Variants in C2CD5 observed in about 807,000 individuals in gnomAD.
C2CD5 encodes C2 calcium dependent domain containing 5, also known as C2 domain-containing protein 5.
C2CD5 carries 109 observed loss-of-function variants against 130.3 expected under a neutral mutation model. The observed-to-expected ratio is 0.84, with a 90% CI of 0.72 to 0.98. C2CD5 has a LOEUF of 0.98. C2CD5 is among the 50% of genes least tolerant of loss of function. The probability of loss-of-function intolerance (pLI) is 0.00; values close to 1 mark genes in which losing one functional copy is unlikely to be tolerated. For missense variants in C2CD5, 996 were observed against 1,261.8 expected, an observed-to-expected ratio of 0.79 and a Z score of 3.19; for synonymous variants, 454 against 429.2, an observed-to-expected ratio of 1.06 and a Z score of -0.71.
intron 10 of C2CD5, among the ~76,000 whole-genome samples, chr12:22,498,285 C>T (rs1245876013): frequency 2.0e-5 from 3 of 152,034 alleles, no homozygotes; most frequent in Non-Finnish European, 2.9e-5. Flanking sequence ...GGACGTCTGC[C>T]TGGCTTAACA....
At chr12:22,462,179 A>G (rs1435443916) in intron 22 of C2CD5, among the ~76,000 whole-genome samples, 1 of 152,232 alleles carries the variant, frequency 6.6e-6, no homozygotes, top group African/African-American at 2.4e-5. Context: ...TAAAAACAAC[A>G]TAGTTCATTA....
In C2CD5 at chr12:22,535,321, AAAGGTG is replaced by A; in HGVS notation, c.108_113del (p.Thr37_Phe38del). On this transcript the variant is annotated inframe_deletion, in exon 3 of 27. Coordinates refer to ENST00000446597, the MANE Select transcript of C2CD5 (RefSeq NM_001286176.2). ...GTGACTTAAGGTACACATCTGTTTT[AAAGGTG>A]GTATTACCAAATTTTACCTAAAAAC... 1 of 1,599,036 alleles carries A rather than the reference AAAGGTG, an allele frequency of 6.3e-7. No homozygotes were observed. The highest frequency in any genetic ancestry group is 8.6e-7 in the Non-Finnish European group (1 of 1,166,998).
chr12:22,449,661 T>A lies in C2CD5; in HGVS notation c.*99A>T. The A allele has an allele frequency of 9.2e-7, 1 of 1,088,882 alleles. No individual in the cohort carries two copies. Among genetic ancestry groups the A allele is most frequent in the South Asian group, 1.6e-5 (1 of 61,538 alleles). The allele number at this position is 1,088,882 out of a possible 1,614,324, so 67.5% of individuals were successfully genotyped here. A position where few individuals can be genotyped will look rare whatever the true frequency, so the allele number is the denominator to read the frequency against. On this transcript the variant is annotated 3_prime_UTR_variant, in exon 27 of 27. Coordinates refer to ENST00000446597, the MANE Select transcript of C2CD5 (RefSeq NM_001286176.2). Reference sequence around the variant, plus strand: ...TCAAATCTACTCAATTCTTCCTTATTTATCTCAAGTTCAATTTTAAGTCTA... The same window carrying A: ...TCAAATCTACTCAATTCTTCCTTATATATCTCAAGTTCAATTTTAAGTCTA...
At chr12:22,521,244 T>C (rs1950242175) in intron 7 of C2CD5, among the ~76,000 whole-genome samples, 1 of 152,174 alleles carries the variant, frequency 6.6e-6, no homozygotes, top group Admixed American at 6.5e-5. Flanking sequence ...TAAAACAGCC[T>C]GAGTATTGAG....
At chr12:22,540,702 T>C (rs1362525346) in intron 2 of C2CD5, among the ~76,000 whole-genome samples, 4 of 151,974 alleles carry the variant, frequency 2.6e-5, no homozygotes, top group African/African-American at 9.7e-5. Flanking sequence ...CTACTAAAAA[T>C]ACAAAAATTA....
At chr12:22,487,679 T>A (rs1945728722) in intron 12 of C2CD5, among the ~76,000 whole-genome samples, 1 of 152,088 alleles carries the variant, frequency 6.6e-6, no homozygotes, top group Admixed American at 6.5e-5. Flanking sequence ...AAATACCATT[T>A]GACCCAGCCA....
At chr12:22,495,659 T>C (rs555502764) in intron 10 of C2CD5, among the ~76,000 whole-genome samples, 10 of 152,082 alleles carry the variant, frequency 6.6e-5, no homozygotes, top group African/African-American at 1.2e-4. Flanking sequence ...AGCCACACAA[T>C]TGCACATGAG....
At chr12:22,473,459 A>C (rs1229277756) in intron 16 of C2CD5, among the ~76,000 whole-genome samples, 1 of 151,966 alleles carries the variant, frequency 6.6e-6, no homozygotes, top group Non-Finnish European at 1.5e-5. Flanking sequence ...ACCTCAACCC[A>C]TTATTCCCCA....
intron 9 of C2CD5, 45 bp downstream of exon 9, chr12:22,513,249 G>A (rs748835707): frequency 7.8e-7 from 1 of 1,285,520 alleles, no homozygotes; most frequent in South Asian, 1.2e-5. Context: ...AGATAACAAA[G>A]TCATATTAAC....
At chr12:22,535,137 GA>G (rs1951702138) in intron 3 of C2CD5, 120 bp downstream of exon 3, 2 of 666,488 alleles carry the variant, frequency 3.0e-6, no homozygotes, top group Non-Finnish European at 5.3e-6. Context: ...AAGCAGAAAA[GA>G]AAATATTTTT....
At chr12:22,505,232 G>C (rs1948337510) in intron 10 of C2CD5, among the ~76,000 whole-genome samples, 1 of 149,426 alleles carries the variant, frequency 6.7e-6, no homozygotes, top group Non-Finnish European at 1.5e-5. Flanking sequence ...TAACTTCAAA[G>C]CATTTTTACC....
At chr12:22,530,113 C>T (rs11046460) in intron 3 of C2CD5, among the ~76,000 whole-genome samples, 9,522 of 49,090 alleles carry the variant, frequency 0.19, 401 homozygotes, top group East Asian at 0.49. Context: ...TATATATATA[C>T]ACACACACAC....
chr12:22,452,531 C>A (rs759453788), intron 26 of C2CD5, among the ~76,000 whole-genome samples: 2 of 152,114 alleles, frequency 1.3e-5, no homozygotes, highest in Non-Finnish European at 2.9e-5. Context: ...CAATTATCTA[C>A]CAAAAACCCT....
In C2CD5 at chr12:22,490,070, C is replaced by A. The variant is rs182450015; in HGVS notation, c.1358+53G>T. ...TTATCCCAACTCTCAGAAAAAAAGT[C>A]GACCTCTCCCTTCTCTGCCCTTATA... On this transcript the variant is annotated intron_variant, in intron 12 of 26. Coordinates refer to ENST00000446597, the MANE Select transcript of C2CD5 (RefSeq NM_001286176.2). 5.2e-6 allele frequency: 7 copies of A among 1,336,352 alleles called. No individual in the cohort carries two copies. In the South Asian group the frequency reaches 6.0e-5, roughly 11 times the overall value. The allele number at this position is 1,336,352 out of a possible 1,614,324, so 82.8% of individuals were successfully genotyped here. A position where few individuals can be genotyped will look rare whatever the true frequency, so the allele number is the denominator to read the frequency against.
At chr12:22,465,651 T>C (rs1477751122) in intron 22 of C2CD5, among the ~76,000 whole-genome samples, 1 of 152,082 alleles carries the variant, frequency 6.6e-6, no homozygotes, top group Non-Finnish European at 1.5e-5. Flanking sequence ...CCCATTTTGC[T>C]CATTCTTTTT....
At chr12:22,544,228 GA>G in intron 1 of C2CD5, 49 bp from the exon 2 acceptor site, 1 of 1,441,592 alleles carries the variant, frequency 6.9e-7, no homozygotes, top group South Asian at 1.2e-5. Flanking sequence ...GCCGGCGGGA[GA>G]GGGGCGGAGG....
At chr12:22,541,734 G>A (rs914698629) in intron 2 of C2CD5, among the ~76,000 whole-genome samples, 4 of 152,180 alleles carry the variant, frequency 2.6e-5, no homozygotes, top group Non-Finnish European at 5.9e-5. Context: ...TAAAGTAGGT[G>A]TTCCCTGTTG....
chr12:22,512,469 T>C (rs993125488), intron 9 of C2CD5, among the ~76,000 whole-genome samples: 7 of 145,268 alleles, frequency 4.8e-5, no homozygotes, highest in Admixed American at 4.6e-4. Context: ...CCATATTAGT[T>C]AGTAGAAAAA....
intron 2 of C2CD5, among the ~76,000 whole-genome samples, chr12:22,543,517 G>A (rs1952612862): frequency 6.6e-6 from 1 of 152,170 alleles, no homozygotes. Context: ...TCGCACTGTG[G>A]GACTCCAAGT....
Sources: gnomAD v4.1 joint callset for allele counts (sites outside exome capture counted in the v4.1 genomes callset) on GRCh38, gnomAD v4.1.1 for gene constraint, MANE v1.5 for transcripts, NCBI Gene and HGNC (gene_info 2026-07-23, HGNC 2026-07-21) for gene names.